The following DNPEP variants were observed in gnomAD, a reference collection of about 807,000 sequenced individuals.
The protein encoded by DNPEP is aspartyl aminopeptidase.
In DNPEP, 46 loss-of-function variants were observed where a neutral mutation model predicts 59.1. The ratio of observed to expected loss-of-function variants is 0.78; its 90% CI spans 0.61 to 0.99. The LOEUF (loss-of-function observed/expected upper bound fraction) is 0.99. Ranked by LOEUF, DNPEP falls within the 50% of genes least tolerant of loss-of-function variation. The probability of loss-of-function intolerance (pLI) is 0.00; values close to 1 mark genes in which losing one functional copy is unlikely to be tolerated. For missense variants in DNPEP, 617 were observed against 649.9 expected (o/e 0.95, Z 0.55); for synonymous variants, 229 against 242.2 (o/e 0.95, Z 0.50).
chr2:219,390,843 A>C (rs540124756), upstream of DNPEP, among the ~76,000 whole-genome samples: 3 of 152,326 alleles, frequency 2.0e-5, no homozygotes, highest in African/African-American at 7.2e-5. Context: ...AAAAAAAATT[A>C]ATAAATAATA....
intron 13 of DNPEP, among the ~76,000 whole-genome samples, chr2:219,376,246 G>T (rs1953366208): frequency 6.6e-6 from 1 of 152,120 alleles, no homozygotes; most frequent in Non-Finnish European, 1.5e-5. Flanking sequence ...CCAGCACTTT[G>T]GGAGGCCAAG....
At chr2:219,380,375 C>G (rs1314691831) in intron 13 of DNPEP, among the ~76,000 whole-genome samples, 2 of 151,850 alleles carry the variant, frequency 1.3e-5, no homozygotes, top group Non-Finnish European at 2.9e-5. Context: ...GCATGCACCA[C>G]TCCGCCTGCC....
intron 1 of DNPEP, among the ~76,000 whole-genome samples, chr2:219,395,441 A>T (rs1575001892): frequency 1.3e-5 from 2 of 152,202 alleles, no homozygotes; most frequent in Non-Finnish European, 2.9e-5. Context: ...GTTCCACAGG[A>T]TGGGAAGGGG....
intron 13 of DNPEP, among the ~76,000 whole-genome samples, chr2:219,376,021 A>G (rs901534467): frequency 3.3e-5 from 5 of 152,194 alleles, no homozygotes; most frequent in Admixed American, 2.0e-4. Flanking sequence ...TGAACAAGAC[A>G]TGTCTACAAT....
At position 219,374,846 on chromosome 2, in the gene DNPEP, G is replaced by A; in HGVS notation, c.1407+9C>T. The A allele has an allele frequency of 6.2e-7, 1 of 1,610,088 alleles. No homozygotes were observed. The highest frequency in any genetic ancestry group is 8.5e-7 in the Non-Finnish European group (1 of 1,176,672). ...CCAGCTGCCAGAGAGGGTCTGGGGTGGGTGTTACCTTGAAGAGGGTGAGGG... is the reference window on the plus strand; with the variant it reads ...CCAGCTGCCAGAGAGGGTCTGGGGTAGGTGTTACCTTGAAGAGGGTGAGGG... On this transcript the variant is annotated intron_variant, in intron 14 of 14. Coordinates refer to ENST00000273075, the MANE Select transcript of DNPEP (RefSeq NM_012100.4).
intron 6 of DNPEP, 52 bp downstream of exon 6, chr2:219,385,916 C>T (rs201097301): frequency 1.9e-6 from 3 of 1,604,154 alleles, no homozygotes; most frequent in Non-Finnish European, 1.7e-6. Flanking sequence ...TAATAATCAC[C>T]TGGTACCATT....
In DNPEP at chr2:219,382,099, G is replaced by T; in HGVS notation, c.977C>A (p.Thr326Lys). ...ESAQGAQSLL[T>K]ELVLRRISAS... is the part of the protein sequence containing the mutation. ...TGAGATCCGCCGCAGCACCAGCTCTGTCAGCAGTGACTGTGCTCCCTGTGC... is the reference window on the plus strand; with the variant it reads ...TGAGATCCGCCGCAGCACCAGCTCTTTCAGCAGTGACTGTGCTCCCTGTGC... Residue 326 changes from threonine to lysine, a missense_variant, in exon 11 of 15, where the codon ACA becomes AAA. By Grantham distance (78) the Thr-to-Lys change is moderately conservative. Coordinates refer to ENST00000273075, the MANE Select transcript of DNPEP (RefSeq NM_012100.4). The T allele has an allele frequency of 6.2e-7, 1 of 1,613,442 alleles. No homozygotes were observed. The highest frequency in any genetic ancestry group is 8.5e-7 in the Non-Finnish European group (1 of 1,180,036).
chr2:219,390,790 A>T (rs564151146), upstream of DNPEP, among the ~76,000 whole-genome samples: 8 of 152,346 alleles, frequency 5.3e-5, no homozygotes, highest in South Asian at 1.7e-3. Flanking sequence ...AGATCGTGCC[A>T]TTGCACTCCA....
chr2:219,387,802 C>CCG lies in DNPEP; in HGVS notation c.-10_-9dup, dbSNP rs757273388. Reference sequence around the variant, plus strand: ...GGGGCTGTGTCCGCTCATCTGGCCTCCGGGCTCGGCCCGCCCCCACCGCGC... The same window carrying CCG: ...GGGGCTGTGTCCGCTCATCTGGCCTCCGCGGGCTCGGCCCGCCCCCACCGCGC... On this transcript the variant is annotated 5_prime_UTR_variant, in exon 1 of 15. Coordinates refer to ENST00000273075, the MANE Select transcript of DNPEP (RefSeq NM_012100.4). 6.3e-7 allele frequency: 1 copy of CCG among 1,584,356 alleles called. No individual in the cohort carries two copies. The highest frequency in any genetic ancestry group is 2.4e-5 in the East Asian group (1 of 42,056).
chr2:219,394,247 A>G (rs1954061789), intron 1 of DNPEP, among the ~76,000 whole-genome samples: 1 of 152,092 alleles, frequency 6.6e-6, no homozygotes, highest in East Asian at 1.9e-4. Flanking sequence ...CAACCTCCAC[A>G]ATGCTGAACC....
chr2:219,382,277 G>C, intron 10 of DNPEP, 138 bp from the exon 11 acceptor site: 1 of 959,640 alleles, frequency 1.0e-6, no homozygotes. Flanking sequence ...CCCTAACCTG[G>C]GGTCGTCACT....
At chr2:219,377,447 G>A (rs937826830) in intron 13 of DNPEP, among the ~76,000 whole-genome samples, 2 of 152,074 alleles carry the variant, frequency 1.3e-5, no homozygotes, top group Non-Finnish European at 2.9e-5. Context: ...TTAAAAAGGG[G>A]TGGGGGGAAC....
chr2:219,385,147 G>C (rs1953755989), intron 8 of DNPEP: 1 of 393,154 alleles, frequency 2.5e-6, no homozygotes, highest in Admixed American at 3.8e-5. Flanking sequence ...TGTCAGTGTG[G>C]GTCAAAGCAG....
chr2:219,374,812 G>A (rs3731904), intron 14 of DNPEP, 43 bp downstream of exon 14: 1,353,678 of 1,593,900 alleles, frequency 0.85, 577,630 homozygotes, highest in Non-Finnish European at 0.87. Context: ...GCACTAGAGG[G>A]GAAGCAGCCC....
At chr2:219,387,455 CA>C (rs1953898065) in intron 1 of DNPEP, 1 of 1,433,226 alleles carries the variant, frequency 7.0e-7, no homozygotes, top group African/African-American at 1.4e-5. Flanking sequence ...GTTCTGCTCC[CA>C]AACTCCGGGA....
intron 14 of DNPEP, 60 bp from the exon 15 acceptor site, chr2:219,374,402 C>T: frequency 6.9e-7 from 1 of 1,450,816 alleles, no homozygotes; most frequent in Non-Finnish European, 9.7e-7. Flanking sequence ...AGATGTCCTG[C>T]CACCCACCTC....
intron 1 of DNPEP, among the ~76,000 whole-genome samples, chr2:219,398,267 G>A (rs1195029960): frequency 1.3e-5 from 2 of 152,226 alleles, no homozygotes; most frequent in South Asian, 2.1e-4. Flanking sequence ...AGGTCGCTGC[G>A]CTAATCATCT....
At chr2:219,396,430 A>G (rs1270792462) in intron 1 of DNPEP, among the ~76,000 whole-genome samples, 1 of 152,016 alleles carries the variant, frequency 6.6e-6, no homozygotes, top group African/African-American at 2.4e-5. Flanking sequence ...TCTACTAAAA[A>G]TACAAAAATT....
In DNPEP at chr2:219,379,919, AAAATAAAT is replaced by A. The variant is rs59629509; in HGVS notation, c.1239+1408_1239+1415del. On this transcript the variant is annotated intron_variant, in intron 13 of 14. Coordinates refer to ENST00000273075, the MANE Select transcript of DNPEP (RefSeq NM_012100.4). ...GGTGACAGAGTGAGACTCCATCTCA[AAAATAAAT>A]AAATAAATAAATAAATAAATAAAGT... Among the ~76,000 whole-genome samples the A allele has an allele frequency of 5.2e-4, 78 of 149,504 alleles. 1 individual carries two copies. The highest frequency in any genetic ancestry group is 1.1e-3 in the South Asian group (5 of 4,684).
Sources: gnomAD v4.1 joint callset for allele counts (sites outside exome capture counted in the v4.1 genomes callset) on GRCh38, gnomAD v4.1.1 for gene constraint, MANE v1.5 for transcripts, NCBI Gene and HGNC (gene_info 2026-07-23, HGNC 2026-07-21) for gene names.